The following HEBP1 variants were observed in gnomAD, a reference collection of about 807,000 sequenced individuals.
HEBP1 encodes the protein heme-binding protein 1.
HEBP1 carries 13 observed loss-of-function variants against 20.4 expected under a neutral mutation model. The observed-to-expected ratio is 0.64, with a 90% CI of 0.42 to 1.01. The LOEUF (loss-of-function observed/expected upper bound fraction) is 1.01, where lower values mean the gene tolerates loss of function less well. Ranked by LOEUF, HEBP1 falls within the 50% of genes least tolerant of loss-of-function variation. HEBP1 has a pLI of 0.00. For missense variants in HEBP1, 241 were observed against 247.3 expected (o/e 0.97, Z 0.17); for synonymous variants, 92 against 90.7 (o/e 1.01, Z -0.08).
At chr12:12,977,386 C>G (rs1280145384) in intron 3 of HEBP1, 1 of 152,182 alleles carries the variant, frequency 6.6e-6, no homozygotes, top group African/African-American at 2.4e-5. Context: ...TTCCCTGACT[C>G]CAGGGTGAGG....
chr12:12,987,253 T>A lies in HEBP1; in HGVS notation c.297A>T (p.Lys99Asn). The A allele has an allele frequency of 1.9e-6, 3 of 1,614,104 alleles. No individual in the cohort carries two copies. The highest frequency in any genetic ancestry group is 2.7e-5 in the African/African-American group (2 of 75,032). The stretch of plus-strand genomic sequence containing the variant: ...ATTGGTTTGGAATCCGGAACCAGAC[T>A]TTTAATTTCTTCTGCAGAGAGCCAT... ...NEDGSLQKKL[K>N]VWFRIPNQFQ... is the part of the protein sequence containing the mutation. Residue 99 changes from lysine to asparagine, a missense_variant, in exon 3 of 4, where the codon AAA (lysine) becomes AAT (asparagine). Transcript: ENST00000014930.
chr12:12,991,719 G>A (rs1864227857), intron 1 of HEBP1, among the ~76,000 whole-genome samples: 1 of 152,088 alleles, frequency 6.6e-6, no homozygotes, highest in African/African-American at 2.4e-5. Flanking sequence ...CATAGTTAAA[G>A]TTTCACAAAG....
Position 12,994,850 on chromosome 12 carries a change from A to T in HEBP1, c.78+5187T>A, listed in dbSNP as rs1054658155. Among the ~76,000 whole-genome samples the T allele has an allele frequency of 3.3e-5, 5 of 152,218 alleles. No individual in the cohort carries two copies. In the East Asian group the frequency reaches 9.7e-4, roughly 29 times the overall value. On this transcript the variant is annotated intron_variant, in intron 1 of 3. Transcript: ENST00000014930. ...TTGGGAGTCATTAGCATAAGGGGAGACTAGAGCTGTGAATGAGGTTGGGAT... is the reference window on the plus strand; with the variant it reads ...TTGGGAGTCATTAGCATAAGGGGAGTCTAGAGCTGTGAATGAGGTTGGGAT...
At chr12:12,991,618 C>T (rs1002872298) in intron 1 of HEBP1, among the ~76,000 whole-genome samples, 1 of 152,198 alleles carries the variant, frequency 6.6e-6, no homozygotes, top group Non-Finnish European at 1.5e-5. Context: ...CCTGGACATA[C>T]TGTAAGGCAG....
In HEBP1 at chr12:12,987,201, C is replaced by T. The variant is rs761585707; in HGVS notation, c.349G>A (p.Asp117Asn). ...QFQSDPPAPSDKSVKIEEREG... is the reference protein window; with the variant it reads ...QFQSDPPAPSNKSVKIEEREG... ...CGTTCCTCAATCTTAACGCTTTTGT[C>T]ACTGGGAGCTGGTGGGTCGCTTTGA... Residue 117 changes from aspartate (D) to asparagine (N), a missense_variant, in exon 3 of 4, where the codon GAC (aspartate) becomes AAC (asparagine). By Grantham distance (23) the Asp-to-Asn change is conservative. Transcript: ENST00000014930. The T allele has an allele frequency of 1.8e-5, 29 of 1,613,932 alleles. No individual in the cohort carries two copies. The highest frequency in any genetic ancestry group is 2.4e-5 in the Non-Finnish European group (28 of 1,179,980).
chr12:13,000,015 C>T (rs749175476), intron 1 of HEBP1, 22 bp downstream of exon 1: 6 of 1,578,212 alleles, frequency 3.8e-6, no homozygotes, highest in South Asian at 1.1e-5. Flanking sequence ...CCTTCAGGTC[C>T]TCGGCAGCCC....
intron 2 of HEBP1, among the ~76,000 whole-genome samples, chr12:12,987,620 C>G (rs557165357): frequency 7.0e-6 from 1 of 143,300 alleles, no homozygotes; most frequent in Non-Finnish European, 1.5e-5. Flanking sequence ...CTTTCTCTCT[C>G]TCTCTCTCTC....
intron 3 of HEBP1, among the ~76,000 whole-genome samples, chr12:12,980,890 A>G (rs919929782): frequency 2.0e-5 from 3 of 152,268 alleles, no homozygotes; most frequent in Admixed American, 1.3e-4. Flanking sequence ...TCAAACCCCA[A>G]CATCTGGTTG....
chr12:13,000,004 T>A, intron 1 of HEBP1, 33 bp downstream of exon 1: 1 of 1,511,504 alleles, frequency 6.6e-7, no homozygotes, highest in Non-Finnish European at 9.1e-7. Flanking sequence ...GAGGCAGCAA[T>A]CCTTCAGGTC....
chr12:12,989,486 C>T (rs1864192319), intron 1 of HEBP1, 71 bp from the exon 2 acceptor site: 1 of 1,539,480 alleles, frequency 6.5e-7, no homozygotes, highest in Non-Finnish European at 8.9e-7. Flanking sequence ...GAAGTAGTAA[C>T]AGAGGGCTAA....
Position 12,987,150 on chromosome 12 carries a change from A to C in HEBP1, c.398+2T>G, listed in dbSNP as rs560894113. 1.9e-6 allele frequency: 3 copies of C among 1,612,820 alleles called. No individual in the cohort carries two copies. Among genetic ancestry groups the C allele is most frequent in the Non-Finnish European group, 2.5e-6 (3 of 1,178,986 alleles). On this transcript the variant is annotated splice_donor_variant, in intron 3 of 3. Transcript: ENST00000014930. LOFTEE classifies it high-confidence loss of function. The stretch of plus-strand genomic sequence containing the variant: ...TGGATGCCTGAAGGATTGTCTCCTT[A>C]CATGGAATAGACAGTGATGCCTTCC...
intron 1 of HEBP1, among the ~76,000 whole-genome samples, chr12:12,993,486 CCT>C (rs113869518): frequency 7.3e-4 from 99 of 134,892 alleles, no homozygotes; most frequent in African/African-American, 1.6e-3. Flanking sequence ...TTTTTCTTTT[CCT>C]CTCTCTCTCT....
chr12:12,975,609 T>A (rs1232153449), intron 3 of HEBP1, 130 bp from the exon 4 acceptor site: 1 of 687,314 alleles, frequency 1.5e-6, no homozygotes, highest in Non-Finnish European at 2.3e-6. Context: ...GGGGACTGAG[T>A]CACCACTTCC....
At position 12,986,886 on chromosome 12, in the gene HEBP1, GTAGACATTCACTGTAAGCT is replaced by G. The variant is rs1864159217; in HGVS notation, c.398+247_398+265del. 2 of 392,744 alleles carry G rather than the reference GTAGACATTCACTGTAAGCT, an allele frequency of 5.1e-6. No individual in the cohort carries two copies. The highest frequency in any genetic ancestry group is 9.1e-5 in the East Asian group (2 of 22,002). 24.3% of individuals were successfully genotyped at this position (392,744 alleles called of 1,614,324 possible). On this transcript the variant is annotated intron_variant, in intron 3 of 3. Coordinates refer to ENST00000014930, the MANE Select transcript of HEBP1 (RefSeq NM_015987.5). The surrounding 1 kb of genome is among the most constrained non-coding windows in gnomAD (Gnocchi z 4.3). ...CTCCTAGAACCCTGCTATGGCTAAT[GTAGACATTCACTGTAAGCT>G]TAAGCAAAGCTTAAGCTCGTCCCAT...
Position 12,975,392 on chromosome 12 carries a change from C to T in HEBP1, c.486G>A (p.Arg162=), listed in dbSNP as rs1863965315. ...RAALEGTATY[R]GDIYFCTGYD... ...AACCCGTGCAGAAGTAGATGTCCCCCCGGTAGGTGGCTGTGCCCTCCAGGG... is the reference window on the plus strand; with the variant it reads ...AACCCGTGCAGAAGTAGATGTCCCCTCGGTAGGTGGCTGTGCCCTCCAGGG... The change falls in exon 4 of 4, where the codon CGG becomes CGA. Residue 162 remains arginine (R), a synonymous_variant. Coordinates refer to ENST00000014930, the MANE Select transcript of HEBP1 (RefSeq NM_015987.5). 5 of 1,613,842 alleles carry T rather than the reference C, an allele frequency of 3.1e-6. No homozygotes were observed. The highest frequency in any genetic ancestry group is 1.7e-4 in the Middle Eastern group (1 of 6,056).
intron 3 of HEBP1, chr12:12,977,617 A>AG (rs1415800588): frequency 6.6e-6 from 1 of 152,244 alleles, no homozygotes; most frequent in African/African-American, 2.4e-5. Flanking sequence ...ACTAAAAAAA[A>AG]CCATAGTAAT....
chr12:12,987,590 T>TTC (rs145821079), intron 2 of HEBP1, among the ~76,000 whole-genome samples: 4,174 of 132,984 alleles, frequency 0.031, 103 homozygotes, highest in African/African-American at 0.059. Flanking sequence ...ATCAGTCTCT[T>TTC]TCTCTCTCTC....
intron 1 of HEBP1, among the ~76,000 whole-genome samples, chr12:12,991,644 G>GA (rs1246045545): frequency 6.6e-6 from 1 of 151,422 alleles, no homozygotes; most frequent in East Asian, 1.9e-4. Context: ...TTCACATTTT[G>GA]AAAAAAAATC....
intron 1 of HEBP1, among the ~76,000 whole-genome samples, chr12:12,992,471 T>C (rs537923915): frequency 1.0e-5 from 1 of 99,436 alleles, no homozygotes; most frequent in South Asian, 5.1e-4. Context: ...CCCAAAGTGC[T>C]GGGATTACAG....
Sources: gnomAD v4.1 joint callset for allele counts (sites outside exome capture counted in the v4.1 genomes callset) on GRCh38, gnomAD v4.1.1 for gene constraint, Gnocchi (gnomAD v3.1) non-coding constraint, MANE v1.5 for transcripts, NCBI Gene and HGNC (gene_info 2026-07-23, HGNC 2026-07-21) for gene names.